TBC1D8: variants seen among roughly 807,000 people sequenced by gnomAD.
TBC1D8 encodes the protein BUB2-like protein 1.
A neutral mutation model predicts 118.8 loss-of-function variants in TBC1D8; 65 were observed. The observed-to-expected ratio is 0.55, with a 90% CI of 0.45 to 0.67. The LOEUF (loss-of-function observed/expected upper bound fraction) is 0.67. Ranked by LOEUF, TBC1D8 falls within the 30% of genes least tolerant of loss-of-function variation. The pLI is 0.00. For synonymous variants in TBC1D8, 566 were observed against 595.8 expected, an observed-to-expected ratio of 0.95 and a Z score of 0.73; for missense variants, 1,376 against 1,471.2, an observed-to-expected ratio of 0.94 and a Z score of 1.06.
chr2:101,048,621 C>G (rs1346201183), intron 5 of TBC1D8, among the ~76,000 whole-genome samples: 1 of 151,596 alleles, frequency 6.6e-6, no homozygotes, highest in African/African-American at 2.4e-5. Flanking sequence ...TGAATTCTTT[C>G]TGAACACATC....
At chr2:101,072,378 G>T (rs1189875994) in intron 2 of TBC1D8, among the ~76,000 whole-genome samples, 1 of 152,082 alleles carries the variant, frequency 6.6e-6, no homozygotes, top group Non-Finnish European at 1.5e-5. Context: ...GAGAAGGAGA[G>T]AGAGAGAAAA....
Position 101,029,514 on chromosome 2 carries a change from G to A in TBC1D8, c.2199C>T (p.Gly733=). Residue 733 remains glycine (G), a synonymous_variant, in exon 12 of 20, where the codon GGC becomes GGT. Transcript: ENST00000409318. ...AEDLCSSKDD[G]QALMILSRFL... ...ACCTGCTGAGGATCATCAAGGCCTG[G>A]CCATCATCCTTGCTGCTGCACAGGT... is the stretch of plus-strand genomic sequence containing the variant. 1 of 1,613,670 alleles carries A rather than the reference G, an allele frequency of 6.2e-7. No individual in the cohort carries two copies. The highest frequency in any genetic ancestry group is 8.5e-7 in the Non-Finnish European group (1 of 1,179,716).
intron 19 of TBC1D8, among the ~76,000 whole-genome samples, chr2:101,010,154 A>G (rs1679096792): frequency 1.3e-5 from 2 of 152,280 alleles, no homozygotes; most frequent in East Asian, 1.9e-4. Flanking sequence ...TTTCCTAAAC[A>G]TTGGGAGGAA....
chr2:101,071,366 C>T (rs184234689), intron 2 of TBC1D8, among the ~76,000 whole-genome samples: 64 of 151,154 alleles, frequency 4.2e-4, no homozygotes, highest in South Asian at 1.0e-3. Flanking sequence ...AACAAACAAA[C>T]AAATAAATAA....
intron 1 of TBC1D8, among the ~76,000 whole-genome samples, chr2:101,137,792 C>T (rs1392674259): frequency 1.3e-5 from 2 of 152,146 alleles, no homozygotes; most frequent in Non-Finnish European, 2.9e-5. Flanking sequence ...AAACCAGTAA[C>T]ATTACATTTT....
chr2:101,111,531 C>G (rs1158646251), intron 1 of TBC1D8, among the ~76,000 whole-genome samples: 3 of 152,174 alleles, frequency 2.0e-5, no homozygotes, highest in Non-Finnish European at 4.4e-5. Flanking sequence ...CCCTCGTTCT[C>G]AAGAACAGAA....
At chr2:101,072,043 G>A (rs1159439252) in intron 2 of TBC1D8, among the ~76,000 whole-genome samples, 1 of 152,198 alleles carries the variant, frequency 6.6e-6, no homozygotes, top group Non-Finnish European at 1.5e-5. Flanking sequence ...AGGCATGAAA[G>A]CAACATTAAT....
At chr2:101,095,427 G>A (rs955038549) in intron 1 of TBC1D8, among the ~76,000 whole-genome samples, 12 of 89,296 alleles carry the variant, frequency 1.3e-4, no homozygotes, top group African/African-American at 5.0e-4. Context: ...AACAGTCCCC[G>A]GTGTGTGATG....
rs529433310 is a variant in TBC1D8, at chr2:101,118,596, T to C, written c.128-28232A>G. Among the ~76,000 whole-genome samples the C allele has an allele frequency of 1.2e-3, 181 of 149,660 alleles. No homozygotes were observed. In the South Asian group the frequency reaches 0.015, roughly 12 times the overall value. On this transcript the variant is annotated intron_variant, in intron 1 of 19. Coordinates refer to ENST00000409318, the MANE Select transcript of TBC1D8 (RefSeq NM_001330348.2). ...CCTGTAGTCCCAACTACTCGGGAGG[T>C]TGAGGCAGGAGAATGGCGTGAACCC...
chr2:101,025,854 C>T (rs1381982844), intron 15 of TBC1D8, among the ~76,000 whole-genome samples: 1 of 152,214 alleles, frequency 6.6e-6, no homozygotes, highest in African/African-American at 2.4e-5. Context: ...TCACATCCTA[C>T]TTGCAGAGAT....
rs1558616374 is a variant in TBC1D8 at position 101,011,510 on chromosome 2, G to GAC, written c.2856_2857dup (p.Ser953CysfsTer4). 1 of 1,613,922 alleles carries GAC rather than the reference G, an allele frequency of 6.2e-7. No homozygotes were observed. The highest frequency in any genetic ancestry group is 1.1e-5 in the South Asian group (1 of 91,062). On this transcript the variant is annotated frameshift_variant, in exon 18 of 20. Transcript: ENST00000409318. LOFTEE classifies it high-confidence loss of function. ...TGACAACAGAGGATTCCTCAACGGC[G>GAC]ACTGGCTGTCTCGGTCATTTTCAGT...
At chr2:101,033,149 G>T (rs533803748) in intron 10 of TBC1D8, among the ~76,000 whole-genome samples, 4 of 147,674 alleles carry the variant, frequency 2.7e-5, no homozygotes, top group Non-Finnish European at 5.9e-5. Flanking sequence ...ACAGAGTCTC[G>T]CTCTGTTGCC....
intron 1 of TBC1D8, among the ~76,000 whole-genome samples, chr2:101,112,824 C>T (rs2104212562): frequency 1.3e-5 from 2 of 152,308 alleles, no homozygotes; most frequent in East Asian, 3.9e-4. Context: ...AAGACTAGAA[C>T]AATATGACAC....
At chr2:101,119,275 C>T (rs1377546122) in intron 1 of TBC1D8, among the ~76,000 whole-genome samples, 1 of 152,118 alleles carries the variant, frequency 6.6e-6, no homozygotes. Context: ...CCATGTCTCC[C>T]CAACATGAAG....
rs557237752 is a variant in TBC1D8, at chr2:101,069,249, C to T, written c.284-9710G>A. ...CGGAGCTTGCAGTGACCCAAGATCA[C>T]GCCACTGCACTCCAGCCTAGGCAAC... is the stretch of plus-strand genomic sequence containing the variant. On this transcript the variant is annotated intron_variant, in intron 2 of 19. Coordinates refer to ENST00000409318, the MANE Select transcript of TBC1D8 (RefSeq NM_001330348.2). Among the ~76,000 whole-genome samples the T allele has an allele frequency of 8.0e-5, 12 of 150,872 alleles. No homozygotes were observed. The South Asian group carries it at 2.1e-3, about 26-fold the overall frequency.
chr2:101,032,422 C>G (rs1486787106), intron 10 of TBC1D8, 37 bp from the exon 11 acceptor site: 1 of 1,547,844 alleles, frequency 6.5e-7, no homozygotes, highest in Admixed American at 1.7e-5. Context: ...ACTGACTGGC[C>G]CATGTGATGC....
In TBC1D8 at chr2:101,091,654, G is replaced by A. The variant is rs568384385; in HGVS notation, c.128-1290C>T. On this transcript the variant is annotated intron_variant, in intron 1 of 19. Transcript: ENST00000409318. ...GCGGGAGGATGGCTTCAGTTTAGGA[G>A]TTCGAGGCTGCAGTGAGTAGTGATG... Among the ~76,000 whole-genome samples the A allele has an allele frequency of 6.6e-5, 10 of 152,282 alleles. 1 individual carries two copies. Among genetic ancestry groups the A allele is most frequent in the Admixed American group, 5.2e-4 (8 of 15,294 alleles).
At chr2:101,085,283 A>G (rs905053400) in intron 2 of TBC1D8, among the ~76,000 whole-genome samples, 5 of 152,310 alleles carry the variant, frequency 3.3e-5, no homozygotes, top group African/African-American at 4.8e-5. Context: ...CTGTGTGGCC[A>G]TTAAGAACAT....
intron 17 of TBC1D8, 116 bp from the exon 18 acceptor site, chr2:101,011,656 G>A (rs1679223609): frequency 4.6e-6 from 5 of 1,079,600 alleles, no homozygotes; most frequent in Admixed American, 4.1e-5. Flanking sequence ...CCTGTGGACT[G>A]TAGTTTTTGC....
Sources: gnomAD v4.1 joint callset for allele counts (sites outside exome capture counted in the v4.1 genomes callset) on GRCh38, gnomAD v4.1.1 for gene constraint, MANE v1.5 for transcripts, NCBI Gene and HGNC (gene_info 2026-07-23, HGNC 2026-07-21) for gene names.